The following CACNA1E variants were observed in gnomAD, a reference collection of about 807,000 sequenced individuals.
The protein encoded by CACNA1E is calcium voltage-gated channel subunit alpha1 E.
In CACNA1E, 40 loss-of-function variants were observed where a neutral mutation model predicts 259.2. That is an observed-to-expected ratio of 0.15 (90% CI 0.12 to 0.20). The LOEUF (loss-of-function observed/expected upper bound fraction) is 0.20, where lower values mean the gene tolerates loss of function less well. Among genes scored for constraint, CACNA1E ranks in the 10% least tolerant of loss-of-function variants. CACNA1E has a pLI of 1.00. For missense variants in CACNA1E, 1,874 were observed against 3,040.1 expected (o/e 0.62, Z 9.02); for synonymous variants, 1,104 against 1,138.5 (o/e 0.97, Z 0.61).
At chr1:181,543,702 A>G (rs1668766622) in intron 3 of CACNA1E, among the ~76,000 whole-genome samples, 3 of 152,154 alleles carry the variant, frequency 2.0e-5, no homozygotes, top group Non-Finnish European at 2.9e-5. Context: ...GAGGCCACCC[A>G]GTGTATGGTA....
At chr1:181,685,230 G>GTTTTTTTT (rs139598690) in intron 7 of CACNA1E, among the ~76,000 whole-genome samples, 9 of 103,448 alleles carry the variant, frequency 8.7e-5, no homozygotes, top group African/African-American at 3.4e-4. Flanking sequence ...CCACCTTTAA[G>GTTTTTTTT]TTTTTTTTTT....
chr1:181,599,859 T>G (rs1003152446), intron 6 of CACNA1E, among the ~76,000 whole-genome samples: 2 of 152,222 alleles, frequency 1.3e-5, no homozygotes, highest in African/African-American at 2.4e-5. Flanking sequence ...TCAACAAATA[T>G]TTGTTGAGCA....
intron 3 of CACNA1E, among the ~76,000 whole-genome samples, chr1:181,518,784 G>A (rs1356496714): frequency 6.6e-6 from 1 of 152,162 alleles, no homozygotes; most frequent in Non-Finnish European, 1.5e-5. Flanking sequence ...TTGGTGTTGG[G>A]ATGGTTTCTG....
chr1:181,380,362 AGAAAG>A (rs768341080), intron 1 of CACNA1E, among the ~76,000 whole-genome samples: 2 of 152,164 alleles, frequency 1.3e-5, no homozygotes, highest in Non-Finnish European at 1.5e-5. Flanking sequence ...AAGAAATAAA[AGAAAG>A]AAGAGCAAAG....
chr1:181,675,293 G>A (rs1336038061), intron 7 of CACNA1E, among the ~76,000 whole-genome samples: 4 of 152,298 alleles, frequency 2.6e-5, no homozygotes, highest in East Asian at 3.9e-4. Context: ...GCCTTGCTCC[G>A]AAACATCATG....
intron 3 of CACNA1E, among the ~76,000 whole-genome samples, chr1:181,553,776 T>C (rs1648435672): frequency 6.6e-6 from 1 of 152,228 alleles, no homozygotes; most frequent in Admixed American, 6.5e-5. Flanking sequence ...GTTTTTGTCA[T>C]TGGTTCTGTT....
intron 1 of CACNA1E, among the ~76,000 whole-genome samples, chr1:181,505,108 T>C (rs1291273288): frequency 6.6e-6 from 1 of 152,206 alleles, no homozygotes; most frequent in Non-Finnish European, 1.5e-5. Context: ...TTTAATCCTC[T>C]CCGAAGTCTT....
chr1:181,518,146 G>A (rs564129429), intron 3 of CACNA1E, among the ~76,000 whole-genome samples: 3 of 152,296 alleles, frequency 2.0e-5, no homozygotes, highest in African/African-American at 7.2e-5. Flanking sequence ...CCGAGGCTGA[G>A]TGGAGCAAGG....
At chr1:181,378,614 A>G (rs1449355052) in intron 1 of CACNA1E, among the ~76,000 whole-genome samples, 2 of 152,250 alleles carry the variant, frequency 1.3e-5, no homozygotes, top group Non-Finnish European at 2.9e-5. Context: ...AAGTGCATGT[A>G]TGTGAGGAAA....
intron 7 of CACNA1E, among the ~76,000 whole-genome samples, chr1:181,697,349 A>C (rs187679546): frequency 6.6e-6 from 1 of 152,236 alleles, no homozygotes; most frequent in East Asian, 1.9e-4. Flanking sequence ...TCTTGAACAG[A>C]TTCTTAAACA....
At chr1:181,382,582 T>G (rs1488105368) in intron 1 of CACNA1E, among the ~76,000 whole-genome samples, 1 of 152,122 alleles carries the variant, frequency 6.6e-6, no homozygotes, top group Non-Finnish European at 1.5e-5. Flanking sequence ...ACCAAATCAT[T>G]TGGGCCTTGA....
At chr1:181,325,641 TTTTATTTA>T (rs71571275) in intron 1 of CACNA1E, among the ~76,000 whole-genome samples, 43 of 149,512 alleles carry the variant, frequency 2.9e-4, no homozygotes, top group Middle Eastern at 3.4e-3. Flanking sequence ...AGTTTTTTAT[TTTTATTTA>T]TTTATTTATT....
chr1:181,369,363 G>T (rs929402541), intron 1 of CACNA1E, among the ~76,000 whole-genome samples: 1 of 152,212 alleles, frequency 6.6e-6, no homozygotes, highest in Non-Finnish European at 1.5e-5. Context: ...AGGAGAAAAC[G>T]AATGTCTGTG....
intron 6 of CACNA1E, among the ~76,000 whole-genome samples, chr1:181,649,094 G>A (rs1444922346): frequency 6.6e-6 from 1 of 152,218 alleles, no homozygotes; most frequent in Non-Finnish European, 1.5e-5. Context: ...CGATCTCAGA[G>A]AAAACGGCTT....
At chr1:181,663,769 A>G (rs1647924765) in intron 7 of CACNA1E, among the ~76,000 whole-genome samples, 1 of 152,204 alleles carries the variant, frequency 6.6e-6, no homozygotes, top group African/African-American at 2.4e-5. Context: ...TAGGTTGGAC[A>G]TTTTTACACT....
At chr1:181,622,096 C>T (rs1341834259) in intron 6 of CACNA1E, among the ~76,000 whole-genome samples, 1 of 152,176 alleles carries the variant, frequency 6.6e-6, no homozygotes, top group African/African-American at 2.4e-5. Flanking sequence ...TGAGTTAGGT[C>T]AACAGGGACT....
intron 29 of CACNA1E, 31 bp downstream of exon 29, chr1:181,756,124 G>T (rs1161824602): frequency 6.3e-7 from 1 of 1,586,608 alleles, no homozygotes; most frequent in African/African-American, 1.4e-5. Flanking sequence ...GCTTGTCTGT[G>T]GCTGTGATAG....
intron 2 of CACNA1E, among the ~76,000 whole-genome samples, chr1:181,427,428 T>C (rs1659372035): frequency 9.1e-6 from 1 of 109,430 alleles, no homozygotes; most frequent in Non-Finnish European, 1.8e-5. Flanking sequence ...CACCTCAACT[T>C]CTCCCTCATC....
chr1:181,482,930 C>T (rs775763994), upstream of CACNA1E, among the ~76,000 whole-genome samples: 2 of 152,294 alleles, frequency 1.3e-5, no homozygotes, highest in African/African-American at 4.8e-5. Context: ...GGCACTCAGG[C>T]TTCGCTGCTC....
Sources: allele counts gnomAD v4.1 joint callset (sites outside exome capture counted in the v4.1 genomes callset), GRCh38; gene constraint gnomAD v4.1.1; transcripts MANE v1.5; gene names NCBI Gene and HGNC (gene_info 2026-07-23, HGNC 2026-07-21).